SLC12A5: variants seen among roughly 807,000 people sequenced by gnomAD.
SLC12A5 encodes solute carrier family 12 member 5.
Under a neutral mutation model 124.0 loss-of-function variants are expected in SLC12A5, and 18 were observed. That is an observed-to-expected ratio of 0.15 (90% CI 0.10 to 0.22). SLC12A5 has a LOEUF of 0.22. Among genes scored for constraint, SLC12A5 ranks in the 10% least tolerant of loss-of-function variants. The probability of loss-of-function intolerance (pLI) is 1.00; values close to 1 mark genes in which losing one functional copy is unlikely to be tolerated. For synonymous variants in SLC12A5, 589 were observed against 568.0 expected (o/e 1.04, Z -0.53); for missense variants, 867 against 1,478.7 (o/e 0.59, Z 6.78).
chr20:46,028,309 C>T (rs1486349311), upstream of SLC12A5, among the ~76,000 whole-genome samples: 2 of 152,130 alleles, frequency 1.3e-5, no homozygotes, highest in African/African-American at 4.8e-5. Flanking sequence ...AGCCTCAGGA[C>T]CGGCCTGTCC....
upstream of SLC12A5, chr20:46,028,958 C>A: frequency 4.4e-6 from 1 of 227,082 alleles, no homozygotes; most frequent in Non-Finnish European, 8.0e-6. Flanking sequence ...TCAAGGGAGG[C>A]GAGGCCCTGT....
chr20:46,048,395 G>A (rs2084617616), intron 16 of SLC12A5, among the ~76,000 whole-genome samples: 1 of 152,284 alleles, frequency 6.6e-6, no homozygotes, highest in Non-Finnish European at 1.5e-5. Context: ...TGTATGGCAA[G>A]TCCCCTTCTA....
Position 46,043,710 on chromosome 20 carries a change from A to G in SLC12A5, c.1315A>G (p.Ile439Val). The change falls in exon 10 of 26, where the codon ATC becomes GTC. Residue 439 changes from isoleucine (I) to valine (V), a missense_variant. This residue lies in a region of SLC12A5 where 152 missense variants were observed against 358.7 expected (regional missense o/e 0.42). Transcript: ENST00000243964. The part of the protein sequence containing the change: ...KSIPTGTILA[I>V]ATTSAVYISS... ...AATCCCCACTGGCACCATCCTGGCC[A>G]TCGCCACCACCTCTGCTGTCTGTAT... 6.2e-7 allele frequency: 1 copy of G among 1,614,210 alleles called. No homozygotes were observed. The highest frequency in any genetic ancestry group is 8.5e-7 in the Non-Finnish European group (1 of 1,180,046).
At position 46,035,878 on chromosome 20, in the gene SLC12A5, A is replaced by G. The variant is rs780458374; in HGVS notation, c.381A>G (p.Ala127=). 6.2e-7 allele frequency: 1 copy of G among 1,614,090 alleles called. No individual in the cohort carries two copies. Among genetic ancestry groups the G allele is most frequent in the East Asian group, 2.2e-5 (1 of 44,882 alleles). Residue 127 remains alanine (A), a synonymous_variant, in exon 4 of 26, where the codon GCA becomes GCG. Transcript: ENST00000243964. ...GGCTCACCTGGGTGGTGGGCATTGCAGGCATCATGGAGTCCTTCTGCATGG... is the reference window on the plus strand; with the variant it reads ...GGCTCACCTGGGTGGTGGGCATTGCGGGCATCATGGAGTCCTTCTGCATGG... ...FLRLTWVVGI[A]GIMESFCMVF... is the part of the protein sequence containing the mutation.
At chr20:46,047,729 A>G (rs2084608745) in intron 15 of SLC12A5, among the ~76,000 whole-genome samples, 156 bp downstream of exon 15, 1 of 151,826 alleles carries the variant, frequency 6.6e-6, no homozygotes, top group African/African-American at 2.4e-5. Context: ...GTGATATGGG[A>G]TGACATTGGA....
upstream of SLC12A5, chr20:46,029,079 T>C (rs1464386632): frequency 5.6e-5 from 72 of 1,276,908 alleles, no homozygotes; most frequent in Non-Finnish European, 6.8e-5. Flanking sequence ...TCCCTCCCGC[T>C]CTCCCCCCAA....
At chr20:46,052,926 C>A (rs373669587) in intron 18 of SLC12A5, 31 bp from the exon 19 acceptor site, 1 of 1,577,442 alleles carries the variant, frequency 6.3e-7, no homozygotes, top group African/African-American at 1.3e-5. Flanking sequence ...TCACTGTTTC[C>A]CCCTCTGGCC....
At chr20:46,031,203 CAGTG>C (rs1207058931) in intron 1 of SLC12A5, among the ~76,000 whole-genome samples, 4 of 152,166 alleles carry the variant, frequency 2.6e-5, no homozygotes, top group South Asian at 4.1e-4. Context: ...AAAGAGGCAT[CAGTG>C]TGTGTGAGGC....
rs1176912020 is a variant in SLC12A5, at chr20:46,057,702, C to T, written c.*97C>T. ...CGCTGTCACCGTTTACATACAGACCCTGTGCCCGTGTCCTGGCCCCTTACC... is the reference window on the plus strand; with the variant it reads ...CGCTGTCACCGTTTACATACAGACCTTGTGCCCGTGTCCTGGCCCCTTACC... On this transcript the variant is annotated 3_prime_UTR_variant, in exon 26 of 26. Coordinates refer to ENST00000243964, the MANE Select transcript of SLC12A5 (RefSeq NM_020708.5). This position sits in a 1 kb window ranked among gnomAD's most constrained non-coding sequence, Gnocchi z 7.1. 3.2e-6 allele frequency: 3 copies of T among 935,152 alleles called. No individual in the cohort carries two copies. The highest frequency in any genetic ancestry group is 6.1e-4 in the Middle Eastern group (2 of 3,296). The allele number at this position is 935,152 out of a possible 1,614,324, so 57.9% of individuals were successfully genotyped here.
Position 46,043,083 on chromosome 20 carries a change from C to T in SLC12A5, c.1067-70C>T. ...CTTGACCCTGACTTTTTGCCCCCTCCCACCTCCTGGTCCCAGAGCTCTGGT... is the reference window on the plus strand; with the variant it reads ...CTTGACCCTGACTTTTTGCCCCCTCTCACCTCCTGGTCCCAGAGCTCTGGT... On this transcript the variant is annotated intron_variant, in intron 8 of 25. Coordinates refer to ENST00000243964, the MANE Select transcript of SLC12A5 (RefSeq NM_020708.5). 10 of 1,527,032 alleles carry T rather than the reference C, an allele frequency of 6.5e-6. No individual in the cohort carries two copies. The South Asian group carries it at 1.2e-4, about 18-fold the overall frequency. The allele number at this position is 1,527,032 out of a possible 1,614,324, so 94.6% of individuals were successfully genotyped here. A position where few individuals can be genotyped will look rare whatever the true frequency, so the allele number is the denominator to read the frequency against.
intron 13 of SLC12A5, 85 bp downstream of exon 13, chr20:46,046,081 C>G: frequency 7.6e-7 from 1 of 1,313,326 alleles, no homozygotes; most frequent in Non-Finnish European, 1.1e-6. Context: ...GACAACCCAC[C>G]CAGACACTTT....
In SLC12A5 at chr20:46,048,093, G is replaced by A. The variant is rs2084613425; in HGVS notation, c.2012+8G>A. ...ACACACCAAGAACTGGAGGTTAGTG[G>A]TGAGGGCACGGGTGTGCATAAGAGT... On this transcript the variant is annotated splice_region_variant and intron_variant, in intron 16 of 25. Coordinates refer to ENST00000243964, the MANE Select transcript of SLC12A5 (RefSeq NM_020708.5). 1 of 1,606,402 alleles carries A rather than the reference G, an allele frequency of 6.2e-7. No homozygotes were observed.
chr20:46,023,636 C>T (rs767357632), downstream of SLC12A5: 15 of 394,690 alleles, frequency 3.8e-5, no homozygotes, highest in East Asian at 1.4e-4. Flanking sequence ...CATTCATTCT[C>T]CCACCTCCAT....
In SLC12A5 at chr20:46,035,004, G is replaced by A; in HGVS notation, c.109G>A (p.Gly37Arg). Residue 37 changes from glycine to arginine, a missense_variant, in exon 2 of 26, where the codon GGA becomes AGA. Around this residue, in one of 9 missense-constraint regions of SLC12A5, gnomAD observed 58 missense variants for 52.2 expected, o/e 1.11. Coordinates refer to ENST00000243964, the MANE Select transcript of SLC12A5 (RefSeq NM_020708.5). ...PFINSTDTEKGKEYDGKNMAL... is the reference protein window; with the variant it reads ...PFINSTDTEKRKEYDGKNMAL... ...CATCAACAGCACCGACACAGAGAAGGGAAAGGAGTATGATGGCAAGAACAT... is the reference window on the plus strand; with the variant it reads ...CATCAACAGCACCGACACAGAGAAGAGAAAGGAGTATGATGGCAAGAACAT... 6.2e-7 allele frequency: 1 copy of A among 1,614,004 alleles called. No individual in the cohort carries two copies. Among genetic ancestry groups the A allele is most frequent in the Non-Finnish European group, 8.5e-7 (1 of 1,179,954 alleles).
In SLC12A5 at chr20:46,056,550, C is replaced by A. The variant is rs1385851381; in HGVS notation, c.3096C>A (p.Phe1032Leu). 1.2e-6 allele frequency: 2 copies of A among 1,614,058 alleles called. No homozygotes were observed. The highest frequency in any genetic ancestry group is 1.7e-6 in the Non-Finnish European group (2 of 1,179,932). ...SPVSSEGIKD[F>L]FSMKPEWENL... The stretch of plus-strand genomic sequence containing the variant: ...TCTCCTCTGAGGGCATCAAGGACTT[C>A]TTCAGCATGAAGCCGTACGGGCCTG... Residue 1032 changes from phenylalanine to leucine, a missense_variant, in exon 23 of 26, where the codon TTC (phenylalanine) becomes TTA (leucine). By Grantham distance (22) the Phe-to-Leu change is conservative (BLOSUM62 0). Coordinates refer to ENST00000243964, the MANE Select transcript of SLC12A5 (RefSeq NM_020708.5). The surrounding 1 kb of genome is among the most constrained non-coding windows in gnomAD (Gnocchi z 4.3).
upstream of SLC12A5, chr20:46,021,759 C>T (rs754291276): frequency 2.4e-5 from 37 of 1,534,424 alleles, no homozygotes; most frequent in Middle Eastern, 2.1e-4. Context: ...TGGCTCCTTT[C>T]CGCGCCATGA....
At chr20:46,033,302 T>C (rs2084469647) in intron 1 of SLC12A5, among the ~76,000 whole-genome samples, 1 of 152,050 alleles carries the variant, frequency 6.6e-6, no homozygotes, top group Non-Finnish European at 1.5e-5. Context: ...TCAATTTCAC[T>C]TGGAATTTGA....
At chr20:46,035,197 C>T (rs2084486461) in intron 2 of SLC12A5, 155 bp downstream of exon 2, 2 of 1,011,532 alleles carry the variant, frequency 2.0e-6, no homozygotes, top group Admixed American at 3.9e-5. Context: ...CCTTCTCCCT[C>T]CTGGGATTTA....
Position 46,059,038 on chromosome 20 carries a change from G to C in SLC12A5, c.*1433G>C, listed in dbSNP as rs2084725598. 1 of 294,676 alleles carries C rather than the reference G, an allele frequency of 3.4e-6. No individual in the cohort carries two copies. Among genetic ancestry groups the C allele is most frequent in the African/African-American group, 2.2e-5 (1 of 46,416 alleles). The allele number at this position is 294,676 out of a possible 1,614,324, so 18.3% of individuals were successfully genotyped here. On this transcript the variant is annotated 3_prime_UTR_variant, in exon 26 of 26. Transcript: ENST00000243964. Reference sequence around the variant, plus strand: ...TCCCCAGCTCATCCTTGGCCCTTCCGCTCCACCAGCCTGGTCTGAGGCGTG... The same window carrying C: ...TCCCCAGCTCATCCTTGGCCCTTCCCCTCCACCAGCCTGGTCTGAGGCGTG...
Sources: allele counts gnomAD v4.1 joint callset (sites outside exome capture counted in the v4.1 genomes callset), GRCh38; gene constraint gnomAD v4.1.1; regional missense constraint gnomAD v4.1.1; non-coding constraint Gnocchi (gnomAD v3.1); transcripts MANE v1.5; gene names NCBI Gene and HGNC (gene_info 2026-07-23, HGNC 2026-07-21).